Variants in SLC35D1 observed in about 807,000 individuals in gnomAD.
SLC35D1 encodes solute carrier family 35 member D1.
SLC35D1 carries 31 observed loss-of-function variants against 46.7 expected under a neutral mutation model. The ratio of observed to expected loss-of-function variants is 0.66; its 90% CI spans 0.50 to 0.90. The LOEUF is 0.90. SLC35D1 is among the 40% of genes least tolerant of loss of function. The probability of loss-of-function intolerance (pLI) is 0.00; values close to 1 mark genes in which losing one functional copy is unlikely to be tolerated. For missense variants in SLC35D1, 397 were observed against 426.2 expected (o/e 0.93, Z 0.60); for synonymous variants, 195 against 164.6 (o/e 1.18, Z -1.41).
At chr1:67,007,827 G>A (rs1370986811) in intron 11 of SLC35D1, among the ~76,000 whole-genome samples, 2 of 152,122 alleles carry the variant, frequency 1.3e-5, no homozygotes, top group Non-Finnish European at 2.9e-5. Context: ...ACTACCAAAT[G>A]ATTCTAAATC....
At chr1:66,997,436 G>T (rs565897314), downstream of SLC35D1, among the ~76,000 whole-genome samples, 1 of 148,900 alleles carries the variant, frequency 6.7e-6, no homozygotes, top group Non-Finnish European at 1.5e-5. Flanking sequence ...CCAGGAAATT[G>T]AGGCTGCAGT....
At chr1:66,994,738 G>A (rs929270534), downstream of SLC35D1, among the ~76,000 whole-genome samples, 3 of 151,876 alleles carry the variant, frequency 2.0e-5, no homozygotes, top group Non-Finnish European at 1.5e-5. Context: ...AATCTTAGTT[G>A]AGGAAACAGG....
chr1:66,985,741 T>G, the SLC35D1 span: 1 of 979,878 alleles, frequency 1.0e-6, no homozygotes, highest in Non-Finnish European at 1.2e-6. Context: ...TCTAATGAAT[T>G]TTTAAGTGTT....
At chr1:66,994,037 C>T in the SLC35D1 span, among the ~76,000 whole-genome samples, 1 of 116,162 alleles carries the variant, frequency 8.6e-6, no homozygotes, top group Non-Finnish European at 1.7e-5. Flanking sequence ...GGACAATCAG[C>T]ATTCTTGTAG....
intron 3 of SLC35D1, 148 bp from the exon 4 acceptor site, chr1:67,052,227 A>G: frequency 1.5e-6 from 1 of 659,184 alleles, no homozygotes; most frequent in Non-Finnish European, 2.8e-6. Flanking sequence ...TTGACACCCA[A>G]ACACCCAAAC....
intron 8 of SLC35D1, among the ~76,000 whole-genome samples, chr1:67,035,808 T>TC (rs1484440934): frequency 4.1e-5 from 6 of 145,392 alleles, no homozygotes; most frequent in Admixed American, 6.8e-5. Context: ...AGTTTTTCTT[T>TC]TTTTTTTTTT....
intron 6 of SLC35D1, 42 bp from the exon 7 acceptor site, chr1:67,047,409 A>G: frequency 1.3e-6 from 2 of 1,482,868 alleles, no homozygotes; most frequent in Non-Finnish European, 1.9e-6. Flanking sequence ...CTTAAAGAAC[A>G]TGCATTTAAT....
intron 11 of SLC35D1, among the ~76,000 whole-genome samples, chr1:67,005,410 A>G (rs1475161343): frequency 1.3e-5 from 2 of 152,166 alleles, no homozygotes; most frequent in Non-Finnish European, 2.9e-5. Flanking sequence ...TGTTCCCACT[A>G]GGAAGAAAGC....
At chr1:66,984,769 G>GA in the SLC35D1 span, 2 of 1,613,894 alleles carry the variant, frequency 1.2e-6, no homozygotes, top group African/African-American at 1.3e-5. Context: ...TGATTTTGAT[G>GA]AAAAAAGTGA....
At chr1:66,982,268 GAT>G in the SLC35D1 span, among the ~76,000 whole-genome samples, 176 of 152,238 alleles carry the variant, frequency 1.2e-3, no homozygotes, top group African/African-American at 3.9e-3. Flanking sequence ...TTTCACATGA[GAT>G]ATACAGATCA....
the SLC35D1 span, chr1:66,986,680 C>T: frequency 2.0e-6 from 1 of 499,732 alleles, no homozygotes; most frequent in African/African-American, 2.0e-5. Context: ...TCTTAATGTA[C>T]ATTCACTGTT....
At position 67,049,930 on chromosome 1, in the gene SLC35D1, T is replaced by C. The variant is rs1483386828; in HGVS notation, c.465-80A>G. 10 of 945,542 alleles carry C rather than the reference T, an allele frequency of 1.1e-5. No homozygotes were observed. The Admixed American group carries it at 1.2e-4, about 11-fold the overall frequency. The allele number at this position is 945,542 out of a possible 1,614,324, so 58.6% of individuals were successfully genotyped here. On this transcript the variant is annotated intron_variant, in intron 5 of 11. Coordinates refer to ENST00000235345, the MANE Select transcript of SLC35D1 (RefSeq NM_015139.3). ...TACAACAGAAGCAAAAAATGGGATA[T>C]GCTTTCTCAAAAGCTATAAACAATC...
intron 10 of SLC35D1, among the ~76,000 whole-genome samples, chr1:67,020,107 C>A (rs1667767242): frequency 6.6e-6 from 1 of 152,168 alleles, no homozygotes; most frequent in South Asian, 2.1e-4. Flanking sequence ...CAGAAATAGA[C>A]CTAATTCTAT....
the SLC35D1 span, chr1:66,984,929 G>T: frequency 1.9e-6 from 3 of 1,541,164 alleles, no homozygotes; most frequent in South Asian, 3.9e-5. Context: ...TTTCTTTGGA[G>T]TAAATTCTGG....
intron 10 of SLC35D1, among the ~76,000 whole-genome samples, chr1:67,017,482 GC>G (rs1370439245): frequency 1.3e-5 from 2 of 152,020 alleles, no homozygotes; most frequent in Non-Finnish European, 2.9e-5. Context: ...TTTTCTTAAA[GC>G]CCTACAAACT....
intron 8 of SLC35D1, among the ~76,000 whole-genome samples, chr1:67,026,989 G>A (rs943308528): frequency 4.6e-5 from 7 of 152,148 alleles, no homozygotes; most frequent in African/African-American, 1.4e-4. Flanking sequence ...TCCCTCCCAC[G>A]ACACATGGGG....
chr1:66,995,672 G>C (rs11208984), downstream of SLC35D1, among the ~76,000 whole-genome samples: 5 of 151,948 alleles, frequency 3.3e-5, no homozygotes, highest in African/African-American at 1.2e-4. Flanking sequence ...AGAGGCCCTA[G>C]AAGGTGGGTG....
the SLC35D1 span, among the ~76,000 whole-genome samples, chr1:66,978,204 A>T: frequency 6.9e-6 from 1 of 145,778 alleles, no homozygotes; most frequent in African/African-American, 2.5e-5. Flanking sequence ...TCCAAAAAAA[A>T]AAAAAAAAGA....
At chr1:67,010,686 C>T (rs2102242159) in intron 10 of SLC35D1, among the ~76,000 whole-genome samples, 1 of 152,182 alleles carries the variant, frequency 6.6e-6, no homozygotes, top group African/African-American at 2.4e-5. Flanking sequence ...ATCCAAATGC[C>T]TCAATGATTA....
Sources: gnomAD v4.1 joint callset for allele counts (sites outside exome capture counted in the v4.1 genomes callset) on GRCh38, gnomAD v4.1.1 for gene constraint, MANE v1.5 for transcripts, NCBI Gene and HGNC (gene_info 2026-07-23, HGNC 2026-07-21) for gene names.